The following TTC21A variants were observed in gnomAD, a reference collection of about 807,000 sequenced individuals.
The protein encoded by TTC21A is tetratricopeptide repeat domain 21A.
In TTC21A, 128 loss-of-function variants were observed where a neutral mutation model predicts 156.4. That is an observed-to-expected ratio of 0.82 (90% CI 0.71 to 0.95). The LOEUF (loss-of-function observed/expected upper bound fraction) is 0.95, where lower values mean the gene tolerates loss of function less well. Ranked by LOEUF, TTC21A falls within the 40% of genes least tolerant of loss-of-function variation. The probability of loss-of-function intolerance (pLI) is 0.00; values close to 1 mark genes in which losing one functional copy is unlikely to be tolerated. For synonymous variants in TTC21A, 587 were observed against 617.1 expected (o/e 0.95, Z 0.72); for missense variants, 1,435 against 1,602.3 (o/e 0.90, Z 1.78).
rs2039110325 is a variant in TTC21A at position 39,136,299 on chromosome 3, C to T, written c.2945-58C>T. Reference sequence around the variant, plus strand: ...TGGCTTCTCCTAGGGCCCCAGCACCCTCATCTGATAACAGCTACTGGGCAT... The same window carrying T: ...TGGCTTCTCCTAGGGCCCCAGCACCTTCATCTGATAACAGCTACTGGGCAT... On this transcript the variant is annotated intron_variant, in intron 22 of 28. Coordinates refer to ENST00000683103, the MANE Select transcript of TTC21A (RefSeq NM_001366900.1). 1.9e-6 allele frequency: 3 copies of T among 1,566,290 alleles called. No homozygotes were observed. The Admixed American group carries it at 5.3e-5, about 28-fold the overall frequency.
rs2038981856 is a variant in TTC21A at position 39,134,685 on chromosome 3, C to T, written c.2862+357C>T. The T allele has an allele frequency of 2.1e-6, 1 of 473,424 alleles. No homozygotes were observed. The highest frequency in any genetic ancestry group is 4.1e-5 in the East Asian group (1 of 24,304). 29.3% of individuals were successfully genotyped at this position (473,424 alleles called of 1,614,324 possible). ...CCTCTCTCTTCCCTATCATCCAGACCTCCTCTAGGGCTGGCCCAGGAGCAG... is the reference window on the plus strand; with the variant it reads ...CCTCTCTCTTCCCTATCATCCAGACTTCCTCTAGGGCTGGCCCAGGAGCAG... On this transcript the variant is annotated intron_variant, in intron 21 of 28. Transcript: ENST00000683103. This position sits in a 1 kb window ranked among gnomAD's most constrained non-coding sequence, Gnocchi z 4.6.
Position 39,134,971 on chromosome 3 carries a change from C to A in TTC21A, c.2863-122C>A. On this transcript the variant is annotated intron_variant, in intron 21 of 28. Transcript: ENST00000683103. The surrounding 1 kb of genome is among the most constrained non-coding windows in gnomAD (Gnocchi z 4.6). ...CTTCTCACAAGGCCTAGGGAGGCTG[C>A]CTTGCAAGTCCTTTTCTACCTTCCC... 1 of 849,282 alleles carries A rather than the reference C, an allele frequency of 1.2e-6. No homozygotes were observed. The highest frequency in any genetic ancestry group is 2.0e-6 in the Non-Finnish European group (1 of 502,786). The allele number at this position is 849,282 out of a possible 1,614,324, so 52.6% of individuals were successfully genotyped here.
At position 39,107,825 on chromosome 3, in the gene TTC21A, CGAGCGGCCCGAGA is replaced by C; in HGVS notation, c.-12_1del. The C allele has an allele frequency of 1.2e-5, 19 of 1,612,676 alleles. No homozygotes were observed. Among genetic ancestry groups the C allele is most frequent in the Non-Finnish European group, 1.5e-5 (18 of 1,179,980 alleles). ...CCCACCAGACCCGGACTCGGAGCCG[CGAGCGGCCCGAGA>C]TGAGCAGCAATGACTCCTCCCTTAT... On this transcript the variant is annotated start_lost and 5_prime_UTR_variant, in exon 1 of 29. Coordinates refer to ENST00000683103, the MANE Select transcript of TTC21A (RefSeq NM_001366900.1).
Position 39,119,969 on chromosome 3 carries a change from A to G in TTC21A, c.849A>G (p.Glu283=), listed in dbSNP as rs777500162. ...RNLIKALETR[E]PENPSLHLKK... Reference sequence around the variant, plus strand: ...TGATTAAGGCACTAGAGACAAGGGAACCCGAAAATCCAAGCCTCCATCTTA... The same window carrying G: ...TGATTAAGGCACTAGAGACAAGGGAGCCCGAAAATCCAAGCCTCCATCTTA... The change falls in exon 8 of 29, where the codon GAA becomes GAG. Residue 283 remains glutamate (E), a synonymous_variant. Transcript: ENST00000683103. 5 of 1,610,166 alleles carry G rather than the reference A, an allele frequency of 3.1e-6. No homozygotes were observed. In the South Asian group the frequency reaches 5.5e-5, roughly 18 times the overall value.
Position 39,130,005 on chromosome 3 carries a change from A to C in TTC21A, c.2136-74A>C. 7.1e-7 allele frequency: 1 copy of C among 1,404,364 alleles called. No homozygotes were observed. The highest frequency in any genetic ancestry group is 1.8e-4 in the Middle Eastern group (1 of 5,618). 87.0% of individuals were successfully genotyped at this position (1,404,364 alleles called of 1,614,324 possible). On this transcript the variant is annotated intron_variant, in intron 15 of 28. Transcript: ENST00000683103. This position sits in a 1 kb window ranked among gnomAD's most constrained non-coding sequence, Gnocchi z 4.5. ...TGTCAGCCAGAATCAGTGGGAAGGA[A>C]GTGAAGGAGATGATTTCAGGAACAT... is the stretch of plus-strand genomic sequence containing the variant.
At position 39,130,834 on chromosome 3, in the gene TTC21A, A is replaced by C. The variant is rs1386731399; in HGVS notation, c.2453A>C (p.Asp818Ala). 1 of 1,614,096 alleles carries C rather than the reference A, an allele frequency of 6.2e-7. No homozygotes were observed. Among genetic ancestry groups the C allele is most frequent in the Non-Finnish European group, 8.5e-7 (1 of 1,180,054 alleles). Reference protein sequence around the residue: ...EKVLKQALEHDIVQDIPSMMN... With the variant: ...EKVLKQALEHAIVQDIPSMMN... ...GTTTTGAAGCAGGCACTGGAACATG[A>C]CATTGGTGAGGCAGCATTGTAACCC... Residue 818 changes from aspartate to alanine, a missense_variant, in exon 18 of 29, where the codon GAC (aspartate) becomes GCC (alanine). Asp to Ala is a moderately radical substitution (Grantham distance 126). Coordinates refer to ENST00000683103, the MANE Select transcript of TTC21A (RefSeq NM_001366900.1). The surrounding 1 kb of genome is among the most constrained non-coding windows in gnomAD (Gnocchi z 4.5).
Position 39,137,569 on chromosome 3 carries a change from G to A in TTC21A, c.3534G>A (p.Lys1178=), listed in dbSNP as rs750902744. The part of the protein sequence containing the change: ...KQIPKARMQL[K]RLAKTPWVLS... ...TCCCCAAGGCGCGTATGCAGTTGAA[G>A]CGCCTGGCCAAGACCCCCTGGGTGC... is the stretch of plus-strand genomic sequence containing the variant. The change falls in exon 26 of 29, where the codon AAG becomes AAA. Residue 1178 remains lysine, a synonymous_variant. Coordinates refer to ENST00000683103, the MANE Select transcript of TTC21A (RefSeq NM_001366900.1). 6.2e-7 allele frequency: 1 copy of A among 1,614,270 alleles called. No homozygotes were observed.
At position 39,130,003 on chromosome 3, in the gene TTC21A, G is replaced by A; in HGVS notation, c.2136-76G>A. 4 of 1,389,612 alleles carry A rather than the reference G, an allele frequency of 2.9e-6. No individual in the cohort carries two copies. The highest frequency in any genetic ancestry group is 4.1e-6 in the Non-Finnish European group (4 of 986,942). The allele number at this position is 1,389,612 out of a possible 1,614,324, so 86.1% of individuals were successfully genotyped here. On this transcript the variant is annotated intron_variant, in intron 15 of 28. Transcript: ENST00000683103. The surrounding 1 kb of genome is among the most constrained non-coding windows in gnomAD (Gnocchi z 4.5). ...AATGTCAGCCAGAATCAGTGGGAAG[G>A]AAGTGAAGGAGATGATTTCAGGAAC...
intron 2 of TTC21A, among the ~76,000 whole-genome samples, chr3:39,109,433 C>T (rs1015461929): frequency 2.6e-5 from 4 of 152,184 alleles, no homozygotes; most frequent in African/African-American, 7.2e-5. Flanking sequence ...CTCTGCACCT[C>T]GGGTTCCCTC....
intron 12 of TTC21A, 68 bp downstream of exon 12, chr3:39,126,458 C>G (rs2038252575): frequency 1.2e-5 from 17 of 1,458,546 alleles, no homozygotes; most frequent in Non-Finnish European, 1.6e-5. Context: ...TGTCTGCAGG[C>G]TCCTTGCCTA....
At chr3:39,109,567 T>G (rs184002053) in intron 2 of TTC21A, among the ~76,000 whole-genome samples, 5 of 152,256 alleles carry the variant, frequency 3.3e-5, no homozygotes, top group African/African-American at 1.2e-4. Flanking sequence ...CAGGTGGGTA[T>G]GGTACAGGTA....
At chr3:39,135,826 C>T (rs372474015) in intron 22 of TTC21A, among the ~76,000 whole-genome samples, 18 of 152,100 alleles carry the variant, frequency 1.2e-4, no homozygotes, top group Admixed American at 9.8e-4. Flanking sequence ...GAACCCGAGG[C>T]GGGCAGATCA....
intron 6 of TTC21A, among the ~76,000 whole-genome samples, chr3:39,117,571 G>C (rs2037401236): frequency 6.6e-6 from 1 of 152,140 alleles, no homozygotes; most frequent in African/African-American, 2.4e-5. Flanking sequence ...TGGTTAGTTG[G>C]GTTATGAATA....
chr3:39,118,290 A>G, intron 7 of TTC21A, 137 bp downstream of exon 7: 1 of 795,460 alleles, frequency 1.3e-6, no homozygotes, highest in Non-Finnish European at 2.1e-6. Context: ...CCACCCCTAT[A>G]CTCGCTGCCA....
chr3:39,123,849 C>T (rs150350829), intron 9 of TTC21A, among the ~76,000 whole-genome samples: 9 of 151,996 alleles, frequency 5.9e-5, no homozygotes, highest in South Asian at 2.1e-4. Context: ...AAAAATCACC[C>T]CCCCCAAAAA....
At chr3:39,115,249 G>A (rs1269934760) in intron 6 of TTC21A, among the ~76,000 whole-genome samples, 3 of 152,118 alleles carry the variant, frequency 2.0e-5, no homozygotes, top group Admixed American at 6.5e-5. Context: ...TATTGGGCAT[G>A]TAGAAACCAG....
intron 22 of TTC21A, 132 bp from the exon 23 acceptor site, chr3:39,136,225 T>G: frequency 1.2e-6 from 1 of 853,648 alleles, no homozygotes; most frequent in Non-Finnish European, 1.8e-6. Context: ...CAGTGGAGAC[T>G]CTGGAGCTGT....
At chr3:39,129,439 G>T in intron 15 of TTC21A, 129 bp downstream of exon 15, 1 of 753,258 alleles carries the variant, frequency 1.3e-6, no homozygotes, top group East Asian at 2.4e-5. Flanking sequence ...ATGAATGTAT[G>T]GAATTGTCCA....
At chr3:39,127,885 G>C (rs1462016826) in intron 12 of TTC21A, among the ~76,000 whole-genome samples, 1 of 152,248 alleles carries the variant, frequency 6.6e-6, no homozygotes, top group African/African-American at 2.4e-5. Flanking sequence ...CAACCTTGCA[G>C]GGCTGGGCAA....
Sources: gnomAD v4.1 joint callset for allele counts (sites outside exome capture counted in the v4.1 genomes callset) on GRCh38, gnomAD v4.1.1 for gene constraint, Gnocchi (gnomAD v3.1) non-coding constraint, MANE v1.5 for transcripts, NCBI Gene and HGNC (gene_info 2026-07-23, HGNC 2026-07-21) for gene names.